Variants in OPCML observed in about 807,000 individuals in gnomAD.
OPCML encodes the protein opioid-binding protein/cell adhesion molecule.
A neutral mutation model predicts 37.8 loss-of-function variants in OPCML; 13 were observed. The ratio of observed to expected loss-of-function variants is 0.34; its 90% CI spans 0.22 to 0.55. OPCML has a LOEUF of 0.55. Among genes scored for constraint, OPCML ranks in the 20% least tolerant of loss-of-function variants. OPCML has a pLI of 0.91. For missense variants in OPCML, 341 were observed against 435.6 expected (o/e 0.78, Z 1.93); for synonymous variants, 176 against 168.8 (o/e 1.04, Z -0.33).
chr11:132,487,191 G>C (rs187227940), intron 4 of OPCML, among the ~76,000 whole-genome samples: 1 of 152,118 alleles, frequency 6.6e-6, no homozygotes, highest in African/African-American at 2.4e-5. Flanking sequence ...AGGTTGACTC[G>C]GGTCACTGAG....
At chr11:133,366,633 A>C (rs1172589609) in intron 1 of OPCML, among the ~76,000 whole-genome samples, 2 of 152,202 alleles carry the variant, frequency 1.3e-5, no homozygotes, top group Non-Finnish European at 2.9e-5. Context: ...CAGAAATGTC[A>C]CACTGAGGAA....
At chr11:133,031,445 G>T (rs201178733) in intron 1 of OPCML, among the ~76,000 whole-genome samples, 1 of 146,636 alleles carries the variant, frequency 6.8e-6, no homozygotes, top group East Asian at 2.1e-4. Flanking sequence ...ATGGGTAGGT[G>T]AATGGATGGA....
intron 4 of OPCML, among the ~76,000 whole-genome samples, chr11:132,447,211 A>T (rs1268713025): frequency 6.6e-6 from 1 of 152,230 alleles, no homozygotes; most frequent in Non-Finnish European, 1.5e-5. Context: ...TAGCAGTGTC[A>T]GGAATGCCTT....
At chr11:132,870,651 C>T (rs1047882540) in intron 2 of OPCML, among the ~76,000 whole-genome samples, 6 of 152,074 alleles carry the variant, frequency 3.9e-5, no homozygotes, top group African/African-American at 1.4e-4. Context: ...ATGGAAAGAA[C>T]GTAAGTGTCC....
chr11:133,274,433 T>A (rs1471049267), intron 1 of OPCML, among the ~76,000 whole-genome samples: 4 of 152,178 alleles, frequency 2.6e-5, no homozygotes, highest in African/African-American at 9.6e-5. Context: ...ACTGAAGTGC[T>A]GAGCCCACAA....
intron 1 of OPCML, among the ~76,000 whole-genome samples, chr11:133,274,021 C>G (rs1941923568): frequency 6.6e-6 from 1 of 152,194 alleles, no homozygotes; most frequent in Non-Finnish European, 1.5e-5. Context: ...TATTTGCACA[C>G]ATACATATAT....
chr11:132,527,659 T>G (rs2137283774), intron 4 of OPCML, among the ~76,000 whole-genome samples: 1 of 152,322 alleles, frequency 6.6e-6, no homozygotes, highest in South Asian at 2.1e-4. Flanking sequence ...TTATCCAGTC[T>G]GTGTCTCCAC....
intron 4 of OPCML, among the ~76,000 whole-genome samples, chr11:132,523,266 C>T (rs921697690): frequency 6.6e-6 from 1 of 151,828 alleles, no homozygotes; most frequent in Non-Finnish European, 1.5e-5. Context: ...AACTGCCTAA[C>T]CAGGTGATAA....
intron 2 of OPCML, among the ~76,000 whole-genome samples, chr11:132,698,420 G>T (rs1943683754): frequency 6.6e-6 from 1 of 152,162 alleles, no homozygotes; most frequent in Non-Finnish European, 1.5e-5. Context: ...AAATATACCT[G>T]TTGGTCAACT....
intron 1 of OPCML, among the ~76,000 whole-genome samples, chr11:133,373,683 A>G (rs1944735757): frequency 6.6e-6 from 1 of 151,898 alleles, no homozygotes; most frequent in Admixed American, 6.6e-5. Context: ...ATTAAGTGAC[A>G]TCTGAAAGTA....
intron 2 of OPCML, among the ~76,000 whole-genome samples, chr11:132,796,890 GT>G (rs1938356238): frequency 6.6e-6 from 1 of 152,058 alleles, no homozygotes; most frequent in African/African-American, 2.4e-5. Context: ...CTTTTCAGGT[GT>G]TTATTAGTCA....
At chr11:132,864,024 G>A (rs1386355167) in intron 2 of OPCML, among the ~76,000 whole-genome samples, 4 of 152,046 alleles carry the variant, frequency 2.6e-5, no homozygotes, top group Non-Finnish European at 5.9e-5. Flanking sequence ...TGCAACCGCC[G>A]CCTCCTGGGT....
At chr11:132,610,533 A>T (rs187608659) in intron 3 of OPCML, among the ~76,000 whole-genome samples, 1 of 152,298 alleles carries the variant, frequency 6.6e-6, no homozygotes, top group Admixed American at 6.5e-5. Flanking sequence ...GCTGCCGAAG[A>T]GCACTGAGAG....
chr11:132,741,163 C>T (rs1251803169), intron 2 of OPCML, among the ~76,000 whole-genome samples: 1 of 152,140 alleles, frequency 6.6e-6, no homozygotes, highest in African/African-American at 2.4e-5. Flanking sequence ...AGAACTTATC[C>T]TGTCTCATGC....
chr11:133,054,160 C>T (rs1387180041), intron 1 of OPCML, among the ~76,000 whole-genome samples: 2 of 152,282 alleles, frequency 1.3e-5, no homozygotes, highest in South Asian at 4.1e-4. Context: ...TGAGTCCAGG[C>T]ATAGGACCAC....
chr11:132,630,225 CT>C (rs1940009342), intron 3 of OPCML, among the ~76,000 whole-genome samples: 1 of 152,162 alleles, frequency 6.6e-6, no homozygotes, highest in African/African-American at 2.4e-5. Flanking sequence ...GTTCATCACA[CT>C]GTTATTTATG....
At chr11:132,634,420 A>G (rs1237717573) in intron 3 of OPCML, among the ~76,000 whole-genome samples, 16 of 152,342 alleles carry the variant, frequency 1.1e-4, no homozygotes, top group East Asian at 5.8e-4. Flanking sequence ...TAATAACTGA[A>G]TATACTTTTG....
At chr11:132,685,540 CAT>C (rs1435005154) in intron 2 of OPCML, among the ~76,000 whole-genome samples, 1 of 152,120 alleles carries the variant, frequency 6.6e-6, no homozygotes, top group East Asian at 1.9e-4. Context: ...GGAGAAGACA[CAT>C]GTTTTAAAAT....
intron 1 of OPCML, among the ~76,000 whole-genome samples, chr11:133,200,023 C>G (rs375694178): frequency 1.3e-5 from 2 of 152,188 alleles, no homozygotes; most frequent in East Asian, 1.9e-4. Context: ...GACTGTCCTG[C>G]ACACGTCCCG....
Sources: gnomAD v4.1 joint callset for allele counts (sites outside exome capture counted in the v4.1 genomes callset) on GRCh38, gnomAD v4.1.1 for gene constraint, MANE v1.5 for transcripts, NCBI Gene and HGNC (gene_info 2026-07-23, HGNC 2026-07-21) for gene names.